EXOSC9: variants seen among roughly 807,000 people sequenced by gnomAD.
EXOSC9 encodes exosome complex component RRP45.
EXOSC9 carries 38 observed loss-of-function variants against 56.5 expected under a neutral mutation model. The observed-to-expected ratio is 0.67, with a 90% CI of 0.52 to 0.88. The LOEUF (loss-of-function observed/expected upper bound fraction) is 0.88, where lower values mean the gene tolerates loss of function less well. EXOSC9 is among the 40% of genes least tolerant of loss of function. The probability of loss-of-function intolerance (pLI) is 0.00; values close to 1 mark genes in which losing one functional copy is unlikely to be tolerated. For synonymous variants in EXOSC9, 170 were observed against 170.8 expected (o/e 0.99, Z 0.04); for missense variants, 559 against 530.5 (o/e 1.05, Z -0.53).
intron 6 of EXOSC9, 50 bp from the exon 7 acceptor site, chr4:121,809,917 G>A: frequency 6.2e-7 from 1 of 1,607,590 alleles, no homozygotes; most frequent in Non-Finnish European, 8.5e-7. Flanking sequence ...CCAAGAAATG[G>A]TAAGCATTCG....
Position 121,814,054 on chromosome 4 carries a change from G to A in EXOSC9, c.1156+7G>A. On this transcript the variant is annotated splice_region_variant and intron_variant, in intron 10 of 11. Transcript: ENST00000243498. ...TCTGATATTGGAAGCCAAGGTAGGT[G>A]ACACTTTATGGCACACTTACTATAT... 4 of 1,545,232 alleles carry A rather than the reference G, an allele frequency of 2.6e-6. No individual in the cohort carries two copies. Among genetic ancestry groups the A allele is most frequent in the Non-Finnish European group, 3.5e-6 (4 of 1,149,910 alleles).
At chr4:121,815,806 T>TG (rs1724474902) in intron 10 of EXOSC9, 1 of 1,025,302 alleles carries the variant, frequency 9.8e-7, no homozygotes, top group African/African-American at 1.7e-5. Flanking sequence ...CTACAAAAGA[T>TG]GCTATATACA....
In EXOSC9 at chr4:121,801,349, C is replaced by T; in HGVS notation, c.-76C>T. 3.5e-6 allele frequency: 5 copies of T among 1,410,704 alleles called. No individual in the cohort carries two copies. The highest frequency in any genetic ancestry group is 1.4e-5 in the African/African-American group (1 of 70,932). The allele number at this position is 1,410,704 out of a possible 1,614,324, so 87.4% of individuals were successfully genotyped here. Reference sequence around the variant, plus strand: ...TAATTTTCCTGCGCCTCGGGGCGAGCAGCGGCGCGCAAGGAAAGATCGGGT... The same window carrying T: ...TAATTTTCCTGCGCCTCGGGGCGAGTAGCGGCGCGCAAGGAAAGATCGGGT... On this transcript the variant is annotated 5_prime_UTR_variant, in exon 1 of 12. Transcript: ENST00000243498.
At chr4:121,810,162 T>C in intron 7 of EXOSC9, 63 bp downstream of exon 7, 1 of 1,466,494 alleles carries the variant, frequency 6.8e-7, no homozygotes, top group Non-Finnish European at 9.5e-7. Context: ...CTTTTTCTTG[T>C]CTTTTAACAA....
At chr4:121,810,305 C>T (rs187587796) in intron 7 of EXOSC9, among the ~76,000 whole-genome samples, 26 of 152,108 alleles carry the variant, frequency 1.7e-4, no homozygotes, top group East Asian at 9.7e-4. Context: ...TTGGTGCTCC[C>T]GTGTCTGGCC....
chr4:121,802,146 T>A (rs748041845), intron 2 of EXOSC9, among the ~76,000 whole-genome samples: 49 of 152,256 alleles, frequency 3.2e-4, no homozygotes, highest in Non-Finnish European at 6.3e-4. Context: ...CTTTTCTGAC[T>A]TCTATAAATC....
intron 9 of EXOSC9, 103 bp downstream of exon 9, chr4:121,813,483 A>T (rs1455265123): frequency 2.0e-6 from 2 of 996,100 alleles, no homozygotes; most frequent in Admixed American, 4.5e-5. Flanking sequence ...GTTTTTGTAA[A>T]CACTGTACTT....
rs149738039 is a variant in EXOSC9, at chr4:121,801,849, A to G, written c.89A>G (p.Tyr30Cys). ...CAGCGGCTGGATGGCAGACAAACCT[A>G]TGATTATAGGAACATCAGGATCTCA... ...EKKRLDGRQT[Y>C]DYRNIRISFG... Residue 30 changes from tyrosine (Y) to cysteine (C), a missense_variant, in exon 2 of 12, where the codon TAT (tyrosine) becomes TGT (cysteine). Tyr to Cys is a radical substitution (Grantham distance 194). Coordinates refer to ENST00000243498, the MANE Select transcript of EXOSC9 (RefSeq NM_005033.3). 10 of 1,613,788 alleles carry G rather than the reference A, an allele frequency of 6.2e-6. No homozygotes were observed. In the East Asian group the frequency reaches 8.9e-5, roughly 14 times the overall value.
chr4:121,808,033 G>A (rs1727076576), intron 6 of EXOSC9, among the ~76,000 whole-genome samples: 1 of 152,150 alleles, frequency 6.6e-6, no homozygotes, highest in African/African-American at 2.4e-5. Flanking sequence ...CTAGGAGTCG[G>A]TTACAAGGGG....
chr4:121,816,143 G>C (rs1351527836), intron 10 of EXOSC9: 1 of 653,504 alleles, frequency 1.5e-6, no homozygotes, highest in Non-Finnish European at 2.7e-6. Context: ...ATTTTTAATA[G>C]AGCTGGGGTT....
chr4:121,802,890 G>T (rs1726911133), intron 3 of EXOSC9, 25 bp from the exon 4 acceptor site: 1 of 1,610,412 alleles, frequency 6.2e-7, no homozygotes, highest in East Asian at 2.2e-5. Context: ...CATGACATTA[G>T]CCCATTCCTA....
At chr4:121,816,599 C>T in intron 11 of EXOSC9, 152 bp downstream of exon 11, 2 of 819,784 alleles carry the variant, frequency 2.4e-6, no homozygotes, top group South Asian at 2.3e-5. Flanking sequence ...ATTTTTTTAC[C>T]TTGTGATTTA....
Position 121,802,804 on chromosome 4 carries a change from C to G in EXOSC9, c.281+11C>G, listed in dbSNP as rs369636080. On this transcript the variant is annotated intron_variant, in intron 3 of 11. Coordinates refer to ENST00000243498, the MANE Select transcript of EXOSC9 (RefSeq NM_005033.3). ...TTTCGAACCTGGCAGGTATTTAAAT[C>G]TTTTTCTTAAGTTGCTTTAGTCATA... 5.6e-6 allele frequency: 9 copies of G among 1,613,180 alleles called. 1 individual carries two copies. Among genetic ancestry groups the G allele is most frequent in the South Asian group, 2.2e-5 (2 of 90,966 alleles).
rs373216700 is a variant in EXOSC9, at chr4:121,801,410, C to A, written c.-15C>A. 6.2e-6 allele frequency: 10 copies of A among 1,612,804 alleles called. No individual in the cohort carries two copies. In the African/African-American group the frequency reaches 1.1e-4, roughly 17 times the overall value. On this transcript the variant is annotated 5_prime_UTR_variant, in exon 1 of 12. Coordinates refer to ENST00000243498, the MANE Select transcript of EXOSC9 (RefSeq NM_005033.3). ...CCGCGGATTCTGGTGCCTGTGGGGC[C>A]GGTGACCCAACACCATGAAGGAAAC...
intron 5 of EXOSC9, among the ~76,000 whole-genome samples, chr4:121,807,014 T>C (rs1160736588): frequency 6.6e-6 from 1 of 152,190 alleles, no homozygotes. Context: ...GGATTTTGGC[T>C]GGGCGTGGTG....
At chr4:121,807,419 G>T in intron 5 of EXOSC9, 121 bp from the exon 6 acceptor site, 1 of 507,650 alleles carries the variant, frequency 2.0e-6, no homozygotes, top group Non-Finnish European at 3.5e-6. Flanking sequence ...ATTAAAAGAA[G>T]TTATTTAGGT....
At chr4:121,808,046 A>C (rs1340890113) in intron 6 of EXOSC9, among the ~76,000 whole-genome samples, 1 of 152,008 alleles carries the variant, frequency 6.6e-6, no homozygotes, top group Non-Finnish European at 1.5e-5. Flanking sequence ...ACAAGGGGGG[A>C]TGGTTCACAG....
intron 3 of EXOSC9, 41 bp from the exon 4 acceptor site, chr4:121,802,874 A>G (rs1396074250): frequency 1.9e-6 from 3 of 1,610,688 alleles, no homozygotes; most frequent in East Asian, 2.2e-5. Context: ...ACCTGGTGTT[A>G]TATTTCATGA....
At chr4:121,812,971 G>A (rs1724296293) in intron 8 of EXOSC9, among the ~76,000 whole-genome samples, 1 of 152,072 alleles carries the variant, frequency 6.6e-6, no homozygotes, top group Non-Finnish European at 1.5e-5. Flanking sequence ...ACACTACCTG[G>A]TAGGGCTGAT....
Sources: gnomAD v4.1 joint callset for allele counts (sites outside exome capture counted in the v4.1 genomes callset) on GRCh38, gnomAD v4.1.1 for gene constraint, MANE v1.5 for transcripts, NCBI Gene and HGNC (gene_info 2026-07-23, HGNC 2026-07-21) for gene names.